Variants in POU2AF1 observed in about 807,000 individuals in gnomAD.
The protein encoded by POU2AF1 is POU class 2 homeobox associating factor 1.
In POU2AF1, 12 loss-of-function variants were observed where a neutral mutation model predicts 26.3. The ratio of observed to expected loss-of-function variants is 0.46; its 90% CI spans 0.29 to 0.74. The LOEUF is 0.74. Among genes scored for constraint, POU2AF1 ranks in the 30% least tolerant of loss-of-function variants. The pLI, the probability that POU2AF1 is intolerant of heterozygous loss-of-function variation, is 0.09. For synonymous variants in POU2AF1, 175 were observed against 148.0 expected (o/e 1.18, Z -1.32); for missense variants, 297 against 334.5 (o/e 0.89, Z 0.87).
At chr11:111,362,866 A>C (rs1861037009) in intron 1 of POU2AF1, 1 of 152,546 alleles carries the variant, frequency 6.6e-6, no homozygotes. Context: ...AGACAGGTGT[A>C]TGGCTCAGCC....
chr11:111,363,256 G>T, intron 1 of POU2AF1: 1 of 1,021,606 alleles, frequency 9.8e-7, no homozygotes, highest in Non-Finnish European at 1.2e-6. Flanking sequence ...ACAGCCAGCT[G>T]CCAAGGAATT....
chr11:111,358,400 ACATACT>A (rs1328463378), intron 2 of POU2AF1, among the ~76,000 whole-genome samples: 18,350 of 71,134 alleles, frequency 0.26, 2,549 homozygotes, highest in Admixed American at 0.33. Context: ...TCCCTCACAC[ACATACT>A]CTCTCACACA....
At chr11:111,357,896 C>T in intron 2 of POU2AF1, 59 bp from the exon 3 acceptor site, 1 of 1,504,182 alleles carries the variant, frequency 6.6e-7, no homozygotes, top group Non-Finnish European at 8.9e-7. Context: ...CGGCCCTGTG[C>T]AGAGAACTTG....
In POU2AF1 at chr11:111,358,774, A is replaced by T. The variant is rs146874835; in HGVS notation, c.147+14T>A. On this transcript the variant is annotated intron_variant, in intron 2 of 4. Transcript: ENST00000393067. ...CACACACACACTCACACTCTCACAC[A>T]CACAAACTCTCACCGCCGTAGGTGC... The T allele has an allele frequency of 6.3e-4, 993 of 1,568,730 alleles. 6 individuals are homozygous for T. In the African/African-American group the frequency reaches 0.012, roughly 19 times the overall value.
intron 1 of POU2AF1, chr11:111,360,002 T>A (rs547971239): frequency 4.2e-5 from 22 of 519,014 alleles, no homozygotes; most frequent in South Asian, 2.9e-4. Context: ...CCAGACAGTG[T>A]CCACCTGCTG....
At chr11:111,357,185 A>G (rs1860863672) in intron 4 of POU2AF1, among the ~76,000 whole-genome samples, 2 of 152,112 alleles carry the variant, frequency 1.3e-5, no homozygotes, top group Non-Finnish European at 2.9e-5. Context: ...AGCTGGGGAG[A>G]TTTAGAACAG....
chr11:111,367,439 C>T (rs1282693917), intron 1 of POU2AF1, among the ~76,000 whole-genome samples: 5 of 152,162 alleles, frequency 3.3e-5, no homozygotes, highest in South Asian at 2.1e-4. Flanking sequence ...CTTCCTTTAC[C>T]GAGAAGGAAA....
At chr11:111,355,945 C>T (rs1306381388) in intron 4 of POU2AF1, among the ~76,000 whole-genome samples, 3 of 152,190 alleles carry the variant, frequency 2.0e-5, no homozygotes, top group African/African-American at 7.2e-5. Flanking sequence ...TTCTACATTT[C>T]CCAGTCATAA....
intron 1 of POU2AF1, 41 bp from the exon 2 acceptor site, chr11:111,358,959 G>A (rs777140935): frequency 1.9e-6 from 3 of 1,565,904 alleles, no homozygotes; most frequent in Non-Finnish European, 2.6e-6. Flanking sequence ...GTCCTTCTCA[G>A]ACGAGCCCCC....
Position 111,354,123 on chromosome 11 carries a change from A to T in POU2AF1, c.*138T>A. On this transcript the variant is annotated 3_prime_UTR_variant, in exon 5 of 5. Transcript: ENST00000393067. Reference sequence around the variant, plus strand: ...GGAAGGAAGAAGGGAAGGAAGGTTTACAGGTCTACAATTCTAGCTGTGCGT... The same window carrying T: ...GGAAGGAAGAAGGGAAGGAAGGTTTTCAGGTCTACAATTCTAGCTGTGCGT... 1 of 902,290 alleles carries T rather than the reference A, an allele frequency of 1.1e-6. No individual in the cohort carries two copies. Among genetic ancestry groups the T allele is most frequent in the Non-Finnish European group, 1.6e-6 (1 of 607,920 alleles). The allele number at this position is 902,290 out of a possible 1,614,324, so 55.9% of individuals were successfully genotyped here.
intron 1 of POU2AF1, among the ~76,000 whole-genome samples, chr11:111,372,667 G>T (rs1016522381): frequency 6.6e-6 from 1 of 152,172 alleles, no homozygotes; most frequent in African/African-American, 2.4e-5. Context: ...AGGATTAAAT[G>T]AGATAATGCA....
chr11:111,375,811 T>A (rs1861300586), intron 1 of POU2AF1, among the ~76,000 whole-genome samples: 1 of 152,252 alleles, frequency 6.6e-6, no homozygotes, highest in South Asian at 2.1e-4. Context: ...TTTTAGGCTT[T>A]GTATGCTGCA....
intron 1 of POU2AF1, among the ~76,000 whole-genome samples, chr11:111,365,060 C>G (rs1286436269): frequency 6.6e-6 from 1 of 152,184 alleles, no homozygotes; most frequent in African/African-American, 2.4e-5. Context: ...CATGTAAGGA[C>G]CACTTTCTTG....
At chr11:111,356,612 C>T (rs749605197) in intron 4 of POU2AF1, among the ~76,000 whole-genome samples, 1 of 152,216 alleles carries the variant, frequency 6.6e-6, no homozygotes, top group Non-Finnish European at 1.5e-5. Context: ...GTCCTTTAGT[C>T]GAACAGGAAT....
Position 111,358,822 on chromosome 11 carries a change from T to C in POU2AF1, c.113A>G (p.His38Arg). 5 of 1,606,862 alleles carry C rather than the reference T, an allele frequency of 3.1e-6. No homozygotes were observed. The highest frequency in any genetic ancestry group is 1.1e-5 in the South Asian group (1 of 90,428). The change falls in exon 2 of 5, where the codon CAC becomes CGC. Residue 38 changes from histidine (H) to arginine (R), a missense_variant. Physicochemically the swap from His to Arg is conservative, Grantham distance 29. Transcript: ENST00000393067. ...VKELLRRKRG[H>R]ASSGAAPAPT... ...TGCAGGTGCTGCCCCACTGCTGGCG[T>C]GGCCTCGCTTCCTCCTCAGCAGTTC...
intron 1 of POU2AF1, among the ~76,000 whole-genome samples, chr11:111,373,017 A>T (rs77113689): frequency 0.015 from 2,226 of 152,348 alleles, 20 homozygotes; most frequent in Non-Finnish European, 0.022. Flanking sequence ...TTAGAAAGGA[A>T]AAAGGAGCCT....
intron 1 of POU2AF1, 30 bp downstream of exon 1, chr11:111,379,132 G>A (rs750366168): frequency 1.2e-6 from 2 of 1,613,804 alleles, no homozygotes; most frequent in South Asian, 2.2e-5. Flanking sequence ...GCACTCGCTT[G>A]GGTCTGACAG....
intron 1 of POU2AF1, among the ~76,000 whole-genome samples, chr11:111,360,959 A>T (rs886738507): frequency 3.3e-5 from 5 of 151,810 alleles, no homozygotes; most frequent in African/African-American, 1.2e-4. Flanking sequence ...AAAAAAAAAA[A>T]ATCTGTCCAG....
chr11:111,372,411 C>CT (rs5794743), intron 1 of POU2AF1, among the ~76,000 whole-genome samples: 13 of 151,800 alleles, frequency 8.6e-5, no homozygotes, highest in East Asian at 7.7e-4. Context: ...ATCTGCAGGG[C>CT]TTTTTTTTGC....
Sources: allele counts gnomAD v4.1 joint callset (sites outside exome capture counted in the v4.1 genomes callset), GRCh38; gene constraint gnomAD v4.1.1; transcripts MANE v1.5; gene names NCBI Gene and HGNC (gene_info 2026-07-23, HGNC 2026-07-21).